CFAP299: variants seen among roughly 807,000 people sequenced by gnomAD.
The protein encoded by CFAP299 is cilia- and flagella-associated protein 299.
CFAP299 carries 21 observed loss-of-function variants against 27.0 expected under a neutral mutation model. The observed-to-expected ratio is 0.78, with a 90% CI of 0.55 to 1.12. The LOEUF (loss-of-function observed/expected upper bound fraction) is 1.12. CFAP299 is among the 50% of genes most tolerant of loss of function. The pLI is 0.00. For missense variants in CFAP299, 310 were observed against 276.6 expected, an observed-to-expected ratio of 1.12 and a Z score of -0.86; for synonymous variants, 104 against 98.1, an observed-to-expected ratio of 1.06 and a Z score of -0.36.
intron 2 of CFAP299, among the ~76,000 whole-genome samples, chr4:80,487,684 G>A (rs1386406981): frequency 6.6e-6 from 1 of 152,202 alleles, no homozygotes; most frequent in African/African-American, 2.4e-5. Flanking sequence ...TGGAAGCTGA[G>A]TGCATCGAAT....
intron 4 of CFAP299, among the ~76,000 whole-genome samples, chr4:80,932,966 C>T (rs1009712500): frequency 3.9e-5 from 6 of 151,932 alleles, no homozygotes; most frequent in African/African-American, 1.5e-4. Flanking sequence ...TTAAATGTCA[C>T]GATGATTAAT....
At chr4:80,623,073 A>G (rs1738688258) in intron 3 of CFAP299, among the ~76,000 whole-genome samples, 1 of 152,146 alleles carries the variant, frequency 6.6e-6, no homozygotes, top group African/African-American at 2.4e-5. Flanking sequence ...GACCGATCTC[A>G]TCAGGAAGGG....
intron 2 of CFAP299, among the ~76,000 whole-genome samples, chr4:80,576,656 A>T (rs1735881968): frequency 6.6e-6 from 1 of 152,144 alleles, no homozygotes; most frequent in Non-Finnish European, 1.5e-5. Flanking sequence ...GTTTTTTAAG[A>T]AGATAACATT....
chr4:80,669,580 T>C (rs1741355121), intron 3 of CFAP299, among the ~76,000 whole-genome samples: 1 of 152,108 alleles, frequency 6.6e-6, no homozygotes, highest in Non-Finnish European at 1.5e-5. Flanking sequence ...TTTTCTTTTT[T>C]TTTTTTTTGG....
chr4:80,493,415 A>G (rs569691898), intron 2 of CFAP299, among the ~76,000 whole-genome samples: 3 of 152,206 alleles, frequency 2.0e-5, no homozygotes, highest in East Asian at 1.9e-4. Flanking sequence ...ACAAATTCCA[A>G]TTGGCTAATT....
chr4:80,651,387 A>G (rs1280501125), intron 3 of CFAP299, among the ~76,000 whole-genome samples: 2 of 128,934 alleles, frequency 1.6e-5, no homozygotes, highest in Non-Finnish European at 3.1e-5. Context: ...TTTTGTTGAG[A>G]CAGAGTCTCT....
chr4:80,710,467 C>CTTTCTT (rs1451024450), intron 3 of CFAP299, among the ~76,000 whole-genome samples: 2 of 132,880 alleles, frequency 1.5e-5, no homozygotes, highest in African/African-American at 5.7e-5. Flanking sequence ...ATAACGTGGG[C>CTTTCTT]TTTCTTTTTC....
intron 3 of CFAP299, among the ~76,000 whole-genome samples, chr4:80,647,290 G>C (rs1454549006): frequency 1.3e-5 from 2 of 152,090 alleles, no homozygotes; most frequent in Admixed American, 6.6e-5. Flanking sequence ...TCATGGAGCT[G>C]AATCAAACAT....
At chr4:80,563,238 G>A (rs1735126349) in intron 2 of CFAP299, among the ~76,000 whole-genome samples, 1 of 152,024 alleles carries the variant, frequency 6.6e-6, no homozygotes, top group African/African-American at 2.4e-5. Context: ...AAGAGCTGCG[G>A]AATACACATT....
At chr4:80,657,427 G>A (rs1018779869) in intron 3 of CFAP299, among the ~76,000 whole-genome samples, 1 of 152,104 alleles carries the variant, frequency 6.6e-6, no homozygotes, top group Non-Finnish European at 1.5e-5. Context: ...AAGGGGTCCA[G>A]TTTCAGTTTT....
At chr4:80,451,322 C>A (rs187606326) in intron 2 of CFAP299, among the ~76,000 whole-genome samples, 1 of 152,216 alleles carries the variant, frequency 6.6e-6, no homozygotes, top group Non-Finnish European at 1.5e-5. Context: ...TAGGGCCCAC[C>A]CTTACAACTT....
chr4:80,861,992 T>C (rs920774667), intron 3 of CFAP299, among the ~76,000 whole-genome samples: 3 of 152,160 alleles, frequency 2.0e-5, no homozygotes, highest in African/African-American at 7.2e-5. Context: ...GAATTTTCAA[T>C]CCCTGGACAT....
rs201792655 is a variant in CFAP299, at chr4:80,849,473, A to C, written c.334-20520A>C. Among the ~76,000 whole-genome samples, 4 of 152,310 alleles carry C rather than the reference A, an allele frequency of 2.6e-5. No individual in the cohort carries two copies. In the East Asian group the frequency reaches 7.7e-4, roughly 29 times the overall value. On this transcript the variant is annotated intron_variant, in intron 3 of 5. Transcript: ENST00000358105. ...ATGGTTAATTCTGTTTGAAACCTAGAAAAAAATCAAGTACAGGTAAAAGAA... is the reference window on the plus strand; with the variant it reads ...ATGGTTAATTCTGTTTGAAACCTAGCAAAAAATCAAGTACAGGTAAAAGAA...
At chr4:80,508,706 G>A (rs1179157664) in intron 2 of CFAP299, among the ~76,000 whole-genome samples, 2 of 152,054 alleles carry the variant, frequency 1.3e-5, no homozygotes, top group Non-Finnish European at 2.9e-5. Flanking sequence ...CTCCAGGAGT[G>A]CACCACCACT....
intron 2 of CFAP299, among the ~76,000 whole-genome samples, chr4:80,476,975 G>GTA (rs1730312734): frequency 6.6e-6 from 1 of 151,976 alleles, no homozygotes. Flanking sequence ...GTGTGTGTGT[G>GTA]TGTGTGTGTC....
At chr4:80,635,757 C>T (rs1242194678) in intron 3 of CFAP299, among the ~76,000 whole-genome samples, 1 of 152,134 alleles carries the variant, frequency 6.6e-6, no homozygotes, top group East Asian at 1.9e-4. Context: ...TGGTAGAAAG[C>T]AGATTTTTAT....
At chr4:80,635,074 C>T (rs1314157672) in intron 3 of CFAP299, among the ~76,000 whole-genome samples, 1 of 152,056 alleles carries the variant, frequency 6.6e-6, no homozygotes, top group African/African-American at 2.4e-5. Flanking sequence ...TTTCTTAAAA[C>T]AGGCACTCAT....
intron 3 of CFAP299, among the ~76,000 whole-genome samples, chr4:80,630,340 T>G (rs1739142018): frequency 1.3e-5 from 2 of 152,172 alleles, no homozygotes. Context: ...CATATGAATA[T>G]TCTGATAACT....
At chr4:80,794,193 G>A (rs1332666004) in intron 3 of CFAP299, among the ~76,000 whole-genome samples, 2 of 152,168 alleles carry the variant, frequency 1.3e-5, no homozygotes, top group African/African-American at 4.8e-5. Flanking sequence ...CTTAAAGGTA[G>A]GAGAAACCCA....
Sources: gnomAD v4.1 joint callset for allele counts (sites outside exome capture counted in the v4.1 genomes callset) on GRCh38, gnomAD v4.1.1 for gene constraint, MANE v1.5 for transcripts, NCBI Gene and HGNC (gene_info 2026-07-23, HGNC 2026-07-21) for gene names.